The following NWD2 variants were observed in gnomAD, a reference collection of about 807,000 sequenced individuals.
NWD2 encodes NACHT and WD repeat domain containing 2, also known as NACHT and WD repeat domain-containing protein 2.
NWD2 carries 37 observed loss-of-function variants against 132.7 expected under a neutral mutation model. The observed-to-expected ratio is 0.28, with a 90% confidence interval of 0.21 to 0.37. The LOEUF is 0.37. Among genes scored for constraint, NWD2 ranks in the 10% least tolerant of loss-of-function variants. The probability of loss-of-function intolerance (pLI) is 1.00; values close to 1 mark genes in which losing one functional copy is unlikely to be tolerated. For synonymous variants in NWD2, 705 were observed against 803.0 expected, an observed-to-expected ratio of 0.88 and a Z score of 2.06; for missense variants, 1,592 against 2,122.4, an observed-to-expected ratio of 0.75 and a Z score of 4.91.
At chr4:37,253,006 C>T (rs899022041) in intron 1 of NWD2, among the ~76,000 whole-genome samples, 7 of 151,484 alleles carry the variant, frequency 4.6e-5, no homozygotes, top group African/African-American at 1.7e-4. Flanking sequence ...CCACAACCCC[C>T]CCCCCTTATG....
At chr4:37,250,096 G>A (rs182409571) in intron 1 of NWD2, among the ~76,000 whole-genome samples, 89 of 151,598 alleles carry the variant, frequency 5.9e-4, no homozygotes, top group African/African-American at 1.4e-3. Context: ...TTTCTGTGGC[G>A]CCCTTTTTAT....
chr4:37,339,887 G>A lies in NWD2; in HGVS notation c.240+13863G>A, dbSNP rs375928082. On this transcript the variant is annotated intron_variant, in intron 2 of 6. Transcript: ENST00000309447. ...CTATTATTCCACAGTCCATATCCAC[G>A]TGTACGTATTATTTAGTTCCCACTG... is the stretch of plus-strand genomic sequence containing the variant. Among the ~76,000 whole-genome samples the A allele has an allele frequency of 7.3e-5, 11 of 150,856 alleles. No individual in the cohort carries two copies. The East Asian group carries it at 1.4e-3, about 19-fold the overall frequency.
intron 3 of NWD2, among the ~76,000 whole-genome samples, chr4:37,376,119 TA>T (rs1456102128): frequency 1.2e-4 from 19 of 152,222 alleles, no homozygotes; most frequent in Admixed American, 1.2e-3. Flanking sequence ...AACTGCCTAA[TA>T]TTTTCTGTGA....
intron 6 of NWD2, among the ~76,000 whole-genome samples, chr4:37,442,558 AGAGAGATAAT>A (rs1712514798): frequency 6.6e-6 from 1 of 152,212 alleles, no homozygotes; most frequent in Non-Finnish European, 1.5e-5. Flanking sequence ...TCTACCCTTC[AGAGAGATAAT>A]GTGAGGACTG....
At chr4:37,385,243 T>C (rs1720536247) in intron 3 of NWD2, among the ~76,000 whole-genome samples, 1 of 152,166 alleles carries the variant, frequency 6.6e-6, no homozygotes, top group South Asian at 2.1e-4. Context: ...ATTGGGAATT[T>C]AGGGGATCAG....
At chr4:37,371,083 T>TC (rs1413830484) in intron 3 of NWD2, among the ~76,000 whole-genome samples, 6 of 142,490 alleles carry the variant, frequency 4.2e-5, no homozygotes, top group East Asian at 2.0e-4. Flanking sequence ...TTTTTCTTTT[T>TC]TTTTTTTTTT....
At chr4:37,344,518 C>T (rs1719591650) in intron 2 of NWD2, among the ~76,000 whole-genome samples, 2 of 152,040 alleles carry the variant, frequency 1.3e-5, no homozygotes, top group African/African-American at 4.8e-5. Flanking sequence ...ATAACAGATG[C>T]AAAACTATTA....
intron 1 of NWD2, among the ~76,000 whole-genome samples, chr4:37,286,987 A>C (rs1718245759): frequency 6.6e-6 from 1 of 150,874 alleles, no homozygotes; most frequent in African/African-American, 2.5e-5. Flanking sequence ...CTCTCATCAG[A>C]ACTGACGAGG....
At chr4:37,377,888 CA>C (rs1457251205) in intron 3 of NWD2, among the ~76,000 whole-genome samples, 2 of 151,916 alleles carry the variant, frequency 1.3e-5, no homozygotes, top group South Asian at 4.2e-4. Context: ...AACTTTAAAA[CA>C]TTTTTTAAAT....
At position 37,424,507 on chromosome 4, in the gene NWD2, TTATTTTAATAAA is replaced by T. The variant is rs1258401079; in HGVS notation, c.358-6062_358-6051del. Among the ~76,000 whole-genome samples the T allele has an allele frequency of 3.9e-5, 6 of 152,324 alleles. No homozygotes were observed. In the South Asian group the frequency reaches 1.2e-3, roughly 32 times the overall value. On this transcript the variant is annotated intron_variant, in intron 3 of 6. Coordinates refer to ENST00000309447, the MANE Select transcript of NWD2 (RefSeq NM_001144990.2). Reference sequence around the variant, plus strand: ...AAATTATGCATAAAATCATAGAATTTTATTTTAATAAATAGAAGCTTCTAGAAAGAGAAAAAC... The same window carrying T: ...AAATTATGCATAAAATCATAGAATTTTAGAAGCTTCTAGAAAGAGAAAAAC...
intron 5 of NWD2, 53 bp downstream of exon 5, chr4:37,434,073 T>A: frequency 8.4e-7 from 1 of 1,196,414 alleles, no homozygotes; most frequent in Admixed American, 2.5e-5. Flanking sequence ...AATAGGTACA[T>A]CTACTGCTTC....
intron 2 of NWD2, among the ~76,000 whole-genome samples, chr4:37,339,452 G>A (rs949893994): frequency 6.6e-6 from 1 of 152,176 alleles, no homozygotes; most frequent in African/African-American, 2.4e-5. Context: ...GTGACATTGT[G>A]GGAGGCTCTA....
intron 6 of NWD2, among the ~76,000 whole-genome samples, chr4:37,440,645 C>T (rs1712456747): frequency 6.6e-6 from 1 of 152,168 alleles, no homozygotes. Flanking sequence ...CACCATTTTT[C>T]CCTGCCTCTC....
chr4:37,430,533 T>C (rs1439357479), intron 3 of NWD2, 39 bp from the exon 4 acceptor site: 38 of 1,430,126 alleles, frequency 2.7e-5, no homozygotes, highest in Non-Finnish European at 3.6e-5. Context: ...TGAACTTTCT[T>C]GGTGATACAC....
chr4:37,280,339 G>T (rs1291579315), intron 1 of NWD2, among the ~76,000 whole-genome samples: 1 of 151,984 alleles, frequency 6.6e-6, no homozygotes, highest in East Asian at 1.9e-4. Flanking sequence ...ACCTATCCTG[G>T]CAGCTCAGGT....
intron 5 of NWD2, 91 bp downstream of exon 5, chr4:37,434,111 A>C: frequency 2.0e-4 from 146 of 717,430 alleles, no homozygotes; most frequent in Non-Finnish European, 2.7e-4. Context: ...ATTTAATCTC[A>C]TTTACTGCCT....
chr4:37,251,725 C>G (rs761995261), intron 1 of NWD2, among the ~76,000 whole-genome samples: 4 of 152,210 alleles, frequency 2.6e-5, no homozygotes, highest in Non-Finnish European at 4.4e-5. Flanking sequence ...ACAAGCAAGT[C>G]TAGGAACTTC....
intron 1 of NWD2, among the ~76,000 whole-genome samples, chr4:37,289,143 T>C (rs1427076507): frequency 6.6e-6 from 1 of 152,244 alleles, no homozygotes; most frequent in Non-Finnish European, 1.5e-5. Flanking sequence ...ATGAATCTCC[T>C]AACCTCTAAT....
At chr4:37,273,009 C>A (rs1045840478) in intron 1 of NWD2, among the ~76,000 whole-genome samples, 2 of 151,700 alleles carry the variant, frequency 1.3e-5, no homozygotes, top group Admixed American at 1.3e-4. Context: ...TTCAGTTCAC[C>A]CAATAGATTC....
Sources: allele counts gnomAD v4.1 joint callset (sites outside exome capture counted in the v4.1 genomes callset), GRCh38; gene constraint gnomAD v4.1.1; transcripts MANE v1.5; gene names NCBI Gene and HGNC (gene_info 2026-07-23, HGNC 2026-07-21).